Variants in PDE7B observed in about 807,000 individuals in gnomAD.
PDE7B encodes the protein 3',5'-cyclic-AMP phosphodiesterase 7B.
Under a neutral mutation model 56.2 loss-of-function variants are expected in PDE7B, and 29 were observed. The ratio of observed to expected loss-of-function variants is 0.52; its 90% CI spans 0.38 to 0.70. The LOEUF (loss-of-function observed/expected upper bound fraction) is 0.70. Ranked by LOEUF, PDE7B falls within the 30% of genes least tolerant of loss-of-function variation. The pLI is 0.00. For missense variants in PDE7B, 490 were observed against 565.0 expected (o/e 0.87, Z 1.35); for synonymous variants, 197 against 196.9 (o/e 1.00, Z 0.00).
intron 2 of PDE7B, among the ~76,000 whole-genome samples, chr6:136,099,395 G>A (rs533457329): frequency 1.3e-5 from 2 of 152,286 alleles, no homozygotes; most frequent in East Asian, 1.9e-4. Flanking sequence ...CCCACCAACA[G>A]TGTAAAAGCA....
Position 136,155,690 on chromosome 6 carries a change from G to A in PDE7B, c.643G>A (p.Val215Met). Reference sequence around the variant, plus strand: ...ACTGCTGGCTGCAGCAGCACACGATGTGGACCACCCAGGGGTGAACCAGCC... The same window carrying A: ...ACTGCTGGCTGCAGCAGCACACGATATGGACCACCCAGGGGTGAACCAGCC... ...LGLLAAAAHD[V>M]DHPGVNQPFL... The change falls in exon 8 of 13, where the codon GTG becomes ATG. Residue 215 changes from valine to methionine, a missense_variant. Transcript: ENST00000308191. 2 of 1,613,740 alleles carry A rather than the reference G, an allele frequency of 1.2e-6. No individual in the cohort carries two copies. Among genetic ancestry groups the A allele is most frequent in the South Asian group, 1.1e-5 (1 of 91,084 alleles).
At chr6:135,949,606 T>C (rs1774661389) in intron 2 of PDE7B, among the ~76,000 whole-genome samples, 1 of 152,126 alleles carries the variant, frequency 6.6e-6, no homozygotes, top group Non-Finnish European at 1.5e-5. Context: ...AGATCATTTA[T>C]TCTAAGTAAA....
At chr6:135,856,731 A>T (rs891173189) in intron 1 of PDE7B, among the ~76,000 whole-genome samples, 3 of 152,192 alleles carry the variant, frequency 2.0e-5, no homozygotes, top group African/African-American at 7.2e-5. Flanking sequence ...GTAGTTTTGG[A>T]TAAACCTAAA....
At chr6:135,931,953 G>GCA (rs35849934) in intron 1 of PDE7B, among the ~76,000 whole-genome samples, 1,240 of 64,362 alleles carry the variant, frequency 0.019, 7 homozygotes, top group Non-Finnish European at 0.035. Flanking sequence ...ACACGCGCGC[G>GCA]CACACACACA....
chr6:136,154,275 T>C, intron 7 of PDE7B, 100 bp downstream of exon 7: 1 of 651,406 alleles, frequency 1.5e-6, no homozygotes, highest in Non-Finnish European at 2.8e-6. Flanking sequence ...CTATGTTATG[T>C]GTCATTAACA....
chr6:135,983,475 A>T (rs966428220), intron 2 of PDE7B, among the ~76,000 whole-genome samples: 2 of 152,250 alleles, frequency 1.3e-5, no homozygotes, highest in African/African-American at 4.8e-5. Context: ...ACAGAGGAGT[A>T]CAGATGGGCA....
intron 1 of PDE7B, among the ~76,000 whole-genome samples, chr6:135,879,286 C>A (rs996512163): frequency 6.6e-6 from 1 of 152,076 alleles, no homozygotes; most frequent in Non-Finnish European, 1.5e-5. Context: ...AGTAAATAGA[C>A]CTTTTCCCCT....
chr6:136,015,604 G>A (rs903476729), intron 2 of PDE7B, among the ~76,000 whole-genome samples: 1 of 152,154 alleles, frequency 6.6e-6, no homozygotes, highest in Non-Finnish European at 1.5e-5. Flanking sequence ...GTTAGCAAGA[G>A]AACGAGGGGG....
intron 2 of PDE7B, among the ~76,000 whole-genome samples, chr6:136,039,610 T>C: frequency 6.6e-6 from 1 of 152,156 alleles, no homozygotes; most frequent in Admixed American, 6.6e-5. Context: ...TATTAAGAAG[T>C]TAATACTCTG....
intron 2 of PDE7B, among the ~76,000 whole-genome samples, chr6:135,960,682 G>A (rs917548685): frequency 2.2e-4 from 33 of 152,204 alleles, no homozygotes; most frequent in Middle Eastern, 3.4e-3. Context: ...CAAAGTTAAC[G>A]TATCTGTACA....
chr6:135,965,573 C>A (rs973439264), intron 2 of PDE7B, among the ~76,000 whole-genome samples: 1 of 152,140 alleles, frequency 6.6e-6, no homozygotes, highest in African/African-American at 2.4e-5. Context: ...GCAAAAGGCA[C>A]ATCTTACATG....
chr6:136,131,525 G>A (rs573988983), intron 3 of PDE7B, among the ~76,000 whole-genome samples: 5 of 96,488 alleles, frequency 5.2e-5, no homozygotes, highest in South Asian at 3.3e-4. Context: ...TTTTTGAGCC[G>A]CCTGTTTGCC....
intron 1 of PDE7B, among the ~76,000 whole-genome samples, chr6:135,930,160 A>T (rs904420519): frequency 3.3e-5 from 5 of 152,178 alleles, no homozygotes; most frequent in South Asian, 2.1e-4. Flanking sequence ...AAGAAGGAGC[A>T]AGTCACCTCT....
chr6:135,906,611 T>C (rs1776109716), intron 1 of PDE7B, among the ~76,000 whole-genome samples: 1 of 152,130 alleles, frequency 6.6e-6, no homozygotes. Context: ...TATTTTGTTA[T>C]TTTTGTTGGA....
At chr6:135,993,171 T>C (rs2128205360) in intron 2 of PDE7B, 1 of 152,382 alleles carries the variant, frequency 6.6e-6, no homozygotes, top group South Asian at 2.1e-4. Flanking sequence ...GAGACAACTC[T>C]GATAGGTGGA....
At chr6:135,870,862 C>G (rs1044695899) in intron 1 of PDE7B, among the ~76,000 whole-genome samples, 1 of 152,108 alleles carries the variant, frequency 6.6e-6, no homozygotes, top group Non-Finnish European at 1.5e-5. Flanking sequence ...AGAATGAAGA[C>G]TCCCAGAAGC....
intron 2 of PDE7B, among the ~76,000 whole-genome samples, chr6:136,049,906 A>T (rs574134751): frequency 2.4e-4 from 37 of 151,650 alleles, no homozygotes; most frequent in African/African-American, 8.5e-4. Flanking sequence ...TTTTTAATGA[A>T]AATGGGTCTT....
Position 136,191,989 on chromosome 6 carries a change from C to G in PDE7B, c.*149C>G, listed in dbSNP as rs1644303704. ...CGCCATCTTCCTCCCACTTACCTGCCTCCCCTCCTTTTCGCAAATGTACAG... is the reference window on the plus strand; with the variant it reads ...CGCCATCTTCCTCCCACTTACCTGCGTCCCCTCCTTTTCGCAAATGTACAG... On this transcript the variant is annotated 3_prime_UTR_variant, in exon 13 of 13. Transcript: ENST00000308191. 1 of 640,324 alleles carries G rather than the reference C, an allele frequency of 1.6e-6. No individual in the cohort carries two copies. Among genetic ancestry groups the G allele is most frequent in the South Asian group, 1.9e-5 (1 of 51,838 alleles). The allele number at this position is 640,324 out of a possible 1,614,324, so 39.7% of individuals were successfully genotyped here.
rs562728672 is a variant in PDE7B at position 136,188,209 on chromosome 6, T to TA, written c.1126+1096dup. Among the ~76,000 whole-genome samples the TA allele has an allele frequency of 2.0e-5, 3 of 152,196 alleles. No homozygotes were observed. In the South Asian group the frequency reaches 6.2e-4, roughly 32 times the overall value. ...AATAAGGACAAAATAAATCTAGCTATAAAGATTTCAATGGAATATACAACT... is the reference window on the plus strand; with the variant it reads ...AATAAGGACAAAATAAATCTAGCTATAAAAGATTTCAATGGAATATACAACT... On this transcript the variant is annotated intron_variant, in intron 12 of 12. Transcript: ENST00000308191.
Sources: gnomAD v4.1 joint callset for allele counts (sites outside exome capture counted in the v4.1 genomes callset) on GRCh38, gnomAD v4.1.1 for gene constraint, MANE v1.5 for transcripts, NCBI Gene and HGNC (gene_info 2026-07-23, HGNC 2026-07-21) for gene names.